GRM8: variants seen among roughly 807,000 people sequenced by gnomAD.
GRM8 encodes metabotropic glutamate receptor 8.
A neutral mutation model predicts 87.2 loss-of-function variants in GRM8; 47 were observed. The ratio of observed to expected loss-of-function variants is 0.54; its 90% confidence interval spans 0.43 to 0.69. The LOEUF (loss-of-function observed/expected upper bound fraction) is 0.69. Ranked by LOEUF, GRM8 falls within the 30% of genes least tolerant of loss-of-function variation. GRM8 has a pLI of 0.00. For missense variants in GRM8, 1,019 were observed against 1,139.2 expected, an observed-to-expected ratio of 0.89 and a Z score of 1.52; for synonymous variants, 396 against 404.5, an observed-to-expected ratio of 0.98 and a Z score of 0.25.
intron 6 of GRM8, among the ~76,000 whole-genome samples, chr7:126,803,938 T>G (rs1370536635): frequency 6.6e-6 from 1 of 152,250 alleles, no homozygotes; most frequent in African/African-American, 2.4e-5. Flanking sequence ...CTAATACTAT[T>G]ATCATGACTT....
At chr7:126,876,574 CT>C (rs888319751) in intron 6 of GRM8, among the ~76,000 whole-genome samples, 4 of 152,292 alleles carry the variant, frequency 2.6e-5, no homozygotes, top group African/African-American at 9.6e-5. Context: ...ACTCCTCCCC[CT>C]TTATCTGATA....
At chr7:126,608,195 T>G (rs1016186392) in intron 8 of GRM8, among the ~76,000 whole-genome samples, 1 of 151,466 alleles carries the variant, frequency 6.6e-6, no homozygotes, top group Non-Finnish European at 1.5e-5. Flanking sequence ...ATCCATCAAG[T>G]TCAGAATTGG....
At chr7:126,520,895 GTTC>G (rs1377689683) in intron 9 of GRM8, among the ~76,000 whole-genome samples, 1 of 151,988 alleles carries the variant, frequency 6.6e-6, no homozygotes, top group Non-Finnish European at 1.5e-5. Context: ...TTTATTGTCA[GTTC>G]TTAACAATAA....
chr7:126,903,834 G>C, intron 5 of GRM8, 138 bp downstream of exon 5: 1 of 422,464 alleles, frequency 2.4e-6, no homozygotes, highest in Non-Finnish European at 4.2e-6. Flanking sequence ...TACTGGTCTT[G>C]ACAATTCTGC....
chr7:126,468,597 G>T (rs1183505221), intron 9 of GRM8, among the ~76,000 whole-genome samples: 1 of 151,856 alleles, frequency 6.6e-6, no homozygotes, highest in Non-Finnish European at 1.5e-5. Flanking sequence ...TATCTGTCTT[G>T]CATTTCATTG....
intron 8 of GRM8, among the ~76,000 whole-genome samples, chr7:126,567,631 T>C (rs1038432547): frequency 3.3e-5 from 5 of 152,154 alleles, no homozygotes; most frequent in Non-Finnish European, 5.9e-5. Context: ...TTGTGTATGC[T>C]TTTAGTGGTA....
At chr7:127,140,170 C>T (rs981221854) in intron 2 of GRM8, among the ~76,000 whole-genome samples, 3 of 152,040 alleles carry the variant, frequency 2.0e-5, no homozygotes, top group Non-Finnish European at 2.9e-5. Context: ...TCTATTTCAG[C>T]TTTTCTCAAT....
intron 7 of GRM8, among the ~76,000 whole-genome samples, chr7:126,658,360 T>C (rs1804767145): frequency 6.6e-6 from 1 of 152,144 alleles, no homozygotes; most frequent in South Asian, 2.1e-4. Context: ...CCTGGCCTTA[T>C]ACTTGAGGGA....
chr7:127,245,063 C>T (rs1798513648), intron 1 of GRM8, among the ~76,000 whole-genome samples: 1 of 152,214 alleles, frequency 6.6e-6, no homozygotes, highest in Non-Finnish European at 1.5e-5. Context: ...CTGCTTTTCC[C>T]TCAGAAAATC....
intron 6 of GRM8, among the ~76,000 whole-genome samples, chr7:126,802,508 T>C (rs940472042): frequency 2.0e-5 from 3 of 152,168 alleles, no homozygotes; most frequent in African/African-American, 7.2e-5. Flanking sequence ...ACGTGGCATA[T>C]ATACACAAGG....
At chr7:127,095,540 A>G (rs1224812559) in intron 3 of GRM8, 1 of 152,232 alleles carries the variant, frequency 6.6e-6, no homozygotes, top group African/African-American at 2.4e-5. Context: ...CATTTCTCAT[A>G]TATTACATTA....
chr7:126,727,954 T>C (rs1186242884), intron 7 of GRM8, among the ~76,000 whole-genome samples: 1 of 152,158 alleles, frequency 6.6e-6, no homozygotes, highest in Admixed American at 6.5e-5. Flanking sequence ...ATTACATTAT[T>C]GATGCTTACA....
intron 9 of GRM8, among the ~76,000 whole-genome samples, chr7:126,463,498 A>G (rs1436559854): frequency 6.6e-6 from 1 of 151,642 alleles, no homozygotes; most frequent in African/African-American, 2.4e-5. Flanking sequence ...CGATGTTCTA[A>G]CAAAGTGTCT....
At chr7:126,659,545 A>G (rs1392350523) in intron 7 of GRM8, among the ~76,000 whole-genome samples, 3 of 152,226 alleles carry the variant, frequency 2.0e-5, no homozygotes, top group Non-Finnish European at 2.9e-5. Flanking sequence ...CTTAGAACTG[A>G]TCACTGTTAA....
chr7:126,533,564 G>A lies in GRM8; in HGVS notation c.1818C>T (p.Val606=). ...IATTFVIVTF[V]RYNDTPIVRA... is the part of the protein sequence containing the mutation. ...TCACGATAGGTGTGTCATTATAGCG[G>A]ACAAAGGTCACGATCACAAAGGTGG... Residue 606 remains valine, a synonymous_variant, in exon 9 of 11, where the codon GTC becomes GTT. Coordinates refer to ENST00000339582, the MANE Select transcript of GRM8 (RefSeq NM_000845.3). 1 of 1,614,060 alleles carries A rather than the reference G, an allele frequency of 6.2e-7. No homozygotes were observed. The highest frequency in any genetic ancestry group is 8.5e-7 in the Non-Finnish European group (1 of 1,179,990).
chr7:127,134,956 G>A (rs959307550), intron 2 of GRM8, among the ~76,000 whole-genome samples: 1 of 151,946 alleles, frequency 6.6e-6, no homozygotes, highest in Non-Finnish European at 1.5e-5. Flanking sequence ...ATGAATAACA[G>A]AAATTTAACA....
intron 2 of GRM8, among the ~76,000 whole-genome samples, chr7:127,217,132 T>C (rs1453876994): frequency 6.6e-6 from 1 of 152,220 alleles, no homozygotes; most frequent in Non-Finnish European, 1.5e-5. Flanking sequence ...AATGGATAAA[T>C]GGTCAGTGAT....
intron 9 of GRM8, among the ~76,000 whole-genome samples, chr7:126,469,185 G>A (rs1804854842): frequency 6.6e-6 from 1 of 152,028 alleles, no homozygotes. Flanking sequence ...TCCAGTAGAT[G>A]GCTATCACAT....
chr7:126,958,031 C>T (rs1808916894), intron 3 of GRM8, among the ~76,000 whole-genome samples: 1 of 152,204 alleles, frequency 6.6e-6, no homozygotes, highest in Non-Finnish European at 1.5e-5. Flanking sequence ...GGATTACCAA[C>T]TGCAGGAAGG....
Sources: allele counts gnomAD v4.1 joint callset (sites outside exome capture counted in the v4.1 genomes callset), GRCh38; gene constraint gnomAD v4.1.1; transcripts MANE v1.5; gene names NCBI Gene and HGNC (gene_info 2026-07-23, HGNC 2026-07-21).